LNX1: variants seen among roughly 807,000 people sequenced by gnomAD.
LNX1 encodes the protein E3 ubiquitin-protein ligase LNX.
Under a neutral mutation model 68.4 loss-of-function variants are expected in LNX1, and 54 were observed. The ratio of observed to expected loss-of-function variants is 0.79; its 90% CI spans 0.63 to 0.99. The LOEUF (loss-of-function observed/expected upper bound fraction) is 0.99. LNX1 is among the 50% of genes least tolerant of loss of function. The probability of loss-of-function intolerance (pLI) is 0.00; values close to 1 mark genes in which losing one functional copy is unlikely to be tolerated. For synonymous variants in LNX1, 336 were observed against 350.0 expected, an observed-to-expected ratio of 0.96 and a Z score of 0.45; for missense variants, 906 against 926.4, an observed-to-expected ratio of 0.98 and a Z score of 0.29.
rs770861327 is a variant in LNX1 at position 53,461,615 on chromosome 4, G to A, written c.1893-22C>T. On this transcript the variant is annotated intron_variant, in intron 9 of 10. Coordinates refer to ENST00000263925, the MANE Select transcript of LNX1 (RefSeq NM_001126328.3). ...GCACCTGAAATAGAATGTAATCAGT[G>A]TACATGCATATTTAAGTTTCACAGT... 4.5e-6 allele frequency: 7 copies of A among 1,564,164 alleles called. No homozygotes were observed. The East Asian group carries it at 9.0e-5, about 20-fold the overall frequency.
At chr4:53,504,167 G>A (rs1253645500) in intron 4 of LNX1, among the ~76,000 whole-genome samples, 6 of 152,198 alleles carry the variant, frequency 3.9e-5, no homozygotes, top group African/African-American at 1.4e-4. Flanking sequence ...GCTTAGTGGA[G>A]CCACCTTCAA....
chr4:53,510,424 C>T (rs943816186), intron 2 of LNX1, among the ~76,000 whole-genome samples: 1 of 152,172 alleles, frequency 6.6e-6, no homozygotes, highest in Non-Finnish European at 1.5e-5. Flanking sequence ...AACCTTATGT[C>T]CTCATCTTCT....
intron 1 of LNX1, among the ~76,000 whole-genome samples, chr4:53,640,226 A>G (rs1220762481): frequency 6.6e-6 from 1 of 152,154 alleles, no homozygotes; most frequent in East Asian, 1.9e-4. Flanking sequence ...AAAAACAAGA[A>G]CGACTGTCAG....
chr4:53,540,152 CTGGCAGAT>C (rs1728648086), intron 2 of LNX1, among the ~76,000 whole-genome samples: 1 of 152,110 alleles, frequency 6.6e-6, no homozygotes, highest in African/African-American at 2.4e-5. Flanking sequence ...GAGTCTGAGG[CTGGCAGAT>C]TGCTTGAGCT....
chr4:53,537,892 G>T (rs1235584785), intron 2 of LNX1, among the ~76,000 whole-genome samples: 2 of 152,234 alleles, frequency 1.3e-5, no homozygotes, highest in African/African-American at 4.8e-5. Flanking sequence ...GAAACGGTGT[G>T]GGGAGGTCAG....
intron 6 of LNX1, among the ~76,000 whole-genome samples, chr4:53,495,494 A>G (rs538434577): frequency 1.6e-4 from 24 of 150,394 alleles, no homozygotes; most frequent in African/African-American, 5.6e-4. Flanking sequence ...GGACTTAGCC[A>G]TGGAGACTAA....
intron 2 of LNX1, among the ~76,000 whole-genome samples, chr4:53,508,922 CATTCACT>C (rs1486111929): frequency 1.5e-5 from 2 of 133,538 alleles, no homozygotes. Context: ...TGTCTCTACC[CATTCACT>C]ATCCATGCTA....
chr4:53,591,716 A>G (rs1732515671), upstream of LNX1: 1 of 334,810 alleles, frequency 3.0e-6, no homozygotes, highest in South Asian at 1.2e-4. Flanking sequence ...GCAATTTGCC[A>G]GGTGGAATTT....
At chr4:53,515,197 G>A (rs1726669453) in intron 2 of LNX1, among the ~76,000 whole-genome samples, 1 of 152,140 alleles carries the variant, frequency 6.6e-6, no homozygotes, top group African/African-American at 2.4e-5. Context: ...AGAAGTGTTG[G>A]CTCATGGAGT....
chr4:53,523,367 A>G (rs1393785667), intron 2 of LNX1: 3 of 152,236 alleles, frequency 2.0e-5, no homozygotes, highest in Admixed American at 2.0e-4. Flanking sequence ...GCTCACTGCA[A>G]CCTCTGCCTC....
upstream of LNX1, among the ~76,000 whole-genome samples, chr4:53,620,923 TAGAA>T (rs1473372018): frequency 6.6e-6 from 1 of 152,148 alleles, no homozygotes; most frequent in Non-Finnish European, 1.5e-5. Flanking sequence ...CCAATAAACT[TAGAA>T]AGCCAATATC....
intron 2 of LNX1, chr4:53,604,039 G>A (rs1224426324): frequency 6.6e-6 from 1 of 152,194 alleles, no homozygotes; most frequent in Non-Finnish European, 1.5e-5. Flanking sequence ...TAAATGGAAA[G>A]CAATTGATTT....
At chr4:53,631,125 A>G (rs1416533597) in intron 1 of LNX1, among the ~76,000 whole-genome samples, 1 of 152,190 alleles carries the variant, frequency 6.6e-6, no homozygotes, top group African/African-American at 2.4e-5. Flanking sequence ...GAAGTCGCCC[A>G]TGGAGTTAAG....
intron 4 of LNX1, among the ~76,000 whole-genome samples, chr4:53,503,703 A>G (rs918564836): frequency 6.6e-6 from 1 of 152,214 alleles, no homozygotes; most frequent in African/African-American, 2.4e-5. Flanking sequence ...ACCCCACCTT[A>G]AAATCACCAG....
chr4:53,647,784 C>A (rs1191307817), intron 1 of LNX1, among the ~76,000 whole-genome samples: 2 of 152,214 alleles, frequency 1.3e-5, no homozygotes, highest in East Asian at 3.8e-4. Flanking sequence ...TCCCTCAGCC[C>A]CCGGCAACTG....
chr4:53,472,844 T>C (rs1723326326), intron 9 of LNX1, among the ~76,000 whole-genome samples: 1 of 152,058 alleles, frequency 6.6e-6, no homozygotes, highest in Non-Finnish European at 1.5e-5. Context: ...GAAATGAGTG[T>C]TCCAGAGAGT....
intron 2 of LNX1, among the ~76,000 whole-genome samples, chr4:53,613,984 C>T (rs974297645): frequency 7.9e-5 from 12 of 151,608 alleles, no homozygotes; most frequent in South Asian, 4.2e-4. Flanking sequence ...TATTTTTTGA[C>T]GGCCCTTTTT....
At chr4:53,598,155 C>G (rs1484797943) in intron 2 of LNX1, among the ~76,000 whole-genome samples, 1 of 152,154 alleles carries the variant, frequency 6.6e-6, no homozygotes, top group Non-Finnish European at 1.5e-5. Context: ...ATAGGACCTT[C>G]CTGACTTCCC....
intron 2 of LNX1, among the ~76,000 whole-genome samples, chr4:53,599,504 T>A (rs1732900048): frequency 6.6e-6 from 1 of 152,266 alleles, no homozygotes; most frequent in South Asian, 2.1e-4. Context: ...GGGCCTGCTC[T>A]GTCTATGGAG....
Sources: allele counts gnomAD v4.1 joint callset (sites outside exome capture counted in the v4.1 genomes callset), GRCh38; gene constraint gnomAD v4.1.1; transcripts MANE v1.5; gene names NCBI Gene and HGNC (gene_info 2026-07-23, HGNC 2026-07-21).